The following MGST1 variants were observed in gnomAD, a reference collection of about 807,000 sequenced individuals.
MGST1 encodes microsomal glutathione S-transferase 1.
Under a neutral mutation model 8.9 loss-of-function variants are expected in MGST1, and 5 were observed. The observed-to-expected ratio is 0.56, with a 90% CI of 0.29 to 1.19. The LOEUF is 1.19. MGST1 is among the 50% of genes most tolerant of loss of function. The pLI, the probability that MGST1 is intolerant of heterozygous loss-of-function variation, is 0.08. For synonymous variants in MGST1, 54 were observed against 67.8 expected, an observed-to-expected ratio of 0.80 and a Z score of 1.00; for missense variants, 182 against 187.4, an observed-to-expected ratio of 0.97 and a Z score of 0.17.
chr12:16,417,597 G>GACTTGGATTTAGT, intron 1 of MGST1, among the ~76,000 whole-genome samples: 1 of 152,250 alleles, frequency 6.6e-6, no homozygotes, highest in South Asian at 2.1e-4. Context: ...CAAGTGTTAT[G>GACTTGGATTTAGT]ACTGCTGATT....
At chr12:16,420,418 T>G (rs1940825184) in intron 1 of MGST1, among the ~76,000 whole-genome samples, 1 of 152,242 alleles carries the variant, frequency 6.6e-6, no homozygotes, top group African/African-American at 2.4e-5. Flanking sequence ...TATGTTCATT[T>G]GTTCACGTGT....
At position 16,513,482 on chromosome 12, in the gene MGST1, C is replaced by T. The variant is rs1361452859; in HGVS notation, n.483-76046C>T. ...TCTGATGCCCCTGCCAGAGCCAGCT[C>T]CTGGTGGACCCATGTGGAGATGGGA... On this transcript the variant is annotated intron_variant and non_coding_transcript_variant, in intron 4 of 4. Coordinates refer to the MGST1 transcript ENST00000538857. This position sits in a 1 kb window ranked among gnomAD's most constrained non-coding sequence, Gnocchi z 4.2. 1 of 448,102 alleles carries T rather than the reference C, an allele frequency of 2.2e-6. No homozygotes were observed. Among genetic ancestry groups the T allele is most frequent in the Non-Finnish European group, 4.5e-6 (1 of 223,504 alleles). The allele number at this position is 448,102 out of a possible 1,614,324, so 27.8% of individuals were successfully genotyped here. A position where few individuals can be genotyped will look rare whatever the true frequency, so the allele number is the denominator to read the frequency against.
intron 4 of MGST1, among the ~76,000 whole-genome samples, chr12:16,572,567 G>A (rs1487849394): frequency 6.7e-6 from 1 of 149,838 alleles, no homozygotes; most frequent in Non-Finnish European, 1.5e-5. Flanking sequence ...AAAACTGGAT[G>A]TCAAACCCTT....
chr12:16,387,856 A>G (rs1013405959), intron 1 of MGST1, among the ~76,000 whole-genome samples: 1 of 151,906 alleles, frequency 6.6e-6, no homozygotes, highest in Non-Finnish European at 1.5e-5. Flanking sequence ...TACCTTTTCT[A>G]TGTTTAGATA....
intron 4 of MGST1, among the ~76,000 whole-genome samples, chr12:16,529,132 G>C (rs979834140): frequency 2.6e-5 from 4 of 151,892 alleles, no homozygotes; most frequent in African/African-American, 9.7e-5. Flanking sequence ...CTCCTTTAGT[G>C]CTTCTTATAT....
intron 4 of MGST1, among the ~76,000 whole-genome samples, chr12:16,534,571 CTATT>C (rs1941743246): frequency 1.3e-5 from 2 of 152,050 alleles, no homozygotes; most frequent in African/African-American, 4.8e-5. Flanking sequence ...ATAAGGATGC[CTATT>C]TAAAGAGCTA....
intron 1 of MGST1, among the ~76,000 whole-genome samples, chr12:16,415,408 A>G (rs1940779488): frequency 6.6e-6 from 1 of 152,136 alleles, no homozygotes. Context: ...AGTTTAAAAC[A>G]TGTGGGTCCA....
chr12:16,477,619 G>T (rs1023931994), intron 4 of MGST1, among the ~76,000 whole-genome samples: 1 of 152,178 alleles, frequency 6.6e-6, no homozygotes, highest in African/African-American at 2.4e-5. Flanking sequence ...AGAATAGGTA[G>T]ATGGAAACTT....
chr12:16,377,732 CA>C (rs1374514050), downstream of MGST1, among the ~76,000 whole-genome samples: 2 of 152,214 alleles, frequency 1.3e-5, no homozygotes, highest in Admixed American at 1.3e-4. Flanking sequence ...CCAACTTCCA[CA>C]GTGGTTGAAC....
rs775750432 is a variant in MGST1, at chr12:16,522,572, A to G, written n.483-66956A>G. ...ATTATTATCCCCAGCAGCTTCATCT[A>G]TTCTTCCTTGTTTCCTGACTCCATG... On this transcript the variant is annotated intron_variant and non_coding_transcript_variant, in intron 4 of 4. Transcript: ENST00000538857. Among the ~76,000 whole-genome samples, 4 of 152,018 alleles carry G rather than the reference A, an allele frequency of 2.6e-5. No individual in the cohort carries two copies. The South Asian group carries it at 6.2e-4, about 24-fold the overall frequency.
intron 1 of MGST1, among the ~76,000 whole-genome samples, chr12:16,349,926 A>C (rs1436106386): frequency 6.6e-6 from 1 of 151,862 alleles, no homozygotes; most frequent in African/African-American, 2.4e-5. Flanking sequence ...TTGTATTTTT[A>C]ATAGAGACGG....
chr12:16,366,772 T>C (rs1259841079), downstream of MGST1, among the ~76,000 whole-genome samples: 2 of 152,076 alleles, frequency 1.3e-5, no homozygotes, highest in Non-Finnish European at 2.9e-5. This position sits in a 1 kb window ranked among gnomAD's most constrained non-coding sequence, Gnocchi z 4.0. Context: ...ATTCAGGCCT[T>C]GTTCTGTCCT....
chr12:16,437,940 C>T (rs1408905170), exon 2 of MGST1: 1 of 151,876 alleles, frequency 6.6e-6, no homozygotes, highest in Non-Finnish European at 1.5e-5. Flanking sequence ...CTCAGATTAT[C>T]CACACAGGGT....
chr12:16,429,900 T>C (rs1940924294), intron 1 of MGST1, among the ~76,000 whole-genome samples: 2 of 152,192 alleles, frequency 1.3e-5, no homozygotes. Flanking sequence ...CAATGGACTC[T>C]TCCTTTTATG....
At chr12:16,379,139 T>C (rs1360015584), downstream of MGST1, among the ~76,000 whole-genome samples, 1 of 152,164 alleles carries the variant, frequency 6.6e-6, no homozygotes, top group Non-Finnish European at 1.5e-5. Flanking sequence ...TACCCTTTAT[T>C]TCCTTTTCCT....
At chr12:16,540,243 A>G (rs1741050261) in intron 4 of MGST1, among the ~76,000 whole-genome samples, 1 of 152,042 alleles carries the variant, frequency 6.6e-6, no homozygotes, top group East Asian at 1.9e-4. Context: ...TTTTCTTTCC[A>G]GGCTCCTGGA....
chr12:16,436,610 GATA>G (rs1940989081), intron 1 of MGST1, among the ~76,000 whole-genome samples: 1 of 151,856 alleles, frequency 6.6e-6, no homozygotes, highest in Non-Finnish European at 1.5e-5. Context: ...ATAAATAAAA[GATA>G]ATGATAACAA....
In MGST1 at chr12:16,362,287, A is replaced by T. The variant is rs1940035382; in HGVS notation, c.222-1508A>T. On this transcript the variant is annotated intron_variant, in intron 3 of 3. Transcript: ENST00000396210. The surrounding 1 kb of genome is among the most constrained non-coding windows in gnomAD (Gnocchi z 4.4). ...TCCATGAAAGAGAGGGCACAGGAAC[A>T]CTCACACCATCCTCTCTTTGCTTTT... Among the ~76,000 whole-genome samples the T allele has an allele frequency of 6.6e-6, 1 of 152,066 alleles. No individual in the cohort carries two copies. Among genetic ancestry groups the T allele is most frequent in the Non-Finnish European group, 1.5e-5 (1 of 68,026 alleles).
At chr12:16,424,387 A>T (rs1940867305) in intron 1 of MGST1, among the ~76,000 whole-genome samples, 1 of 152,230 alleles carries the variant, frequency 6.6e-6, no homozygotes, top group African/African-American at 2.4e-5. Flanking sequence ...CTTTACAAAA[A>T]ATTCAACTTT....
Sources: allele counts gnomAD v4.1 joint callset (sites outside exome capture counted in the v4.1 genomes callset), GRCh38; gene constraint gnomAD v4.1.1; non-coding constraint Gnocchi (gnomAD v3.1); transcripts MANE v1.5; gene names NCBI Gene and HGNC (gene_info 2026-07-23, HGNC 2026-07-21).